The following DLG2 variants were observed in gnomAD, a reference collection of about 807,000 sequenced individuals.
DLG2 encodes the protein disks large homolog 2.
A neutral mutation model predicts 132.5 loss-of-function variants in DLG2; 45 were observed. That is an observed-to-expected ratio of 0.34 (90% confidence interval 0.27 to 0.44). The LOEUF is 0.44. Ranked by LOEUF, DLG2 falls within the 20% of genes least tolerant of loss-of-function variation. The pLI, the probability that DLG2 is intolerant of heterozygous loss-of-function variation, is 1.00. For missense variants in DLG2, 1,045 were observed against 1,196.9 expected (o/e 0.87, Z 1.87); for synonymous variants, 424 against 419.6 (o/e 1.01, Z -0.13).
intron 19 of DLG2, among the ~76,000 whole-genome samples, chr11:83,542,474 C>G (rs545064373): frequency 2.0e-5 from 3 of 152,106 alleles, no homozygotes; most frequent in African/African-American, 7.2e-5. Context: ...AAAATCTATG[C>G]GTATGTGTGT....
At chr11:83,530,890 C>T (rs2095724279) in intron 21 of DLG2, among the ~76,000 whole-genome samples, 1 of 151,792 alleles carries the variant, frequency 6.6e-6, no homozygotes, top group Admixed American at 6.6e-5. Context: ...TAAGATTGGT[C>T]TATAAATAAT....
At chr11:85,217,268 T>C (rs1358280264) in intron 4 of DLG2, among the ~76,000 whole-genome samples, 1 of 151,130 alleles carries the variant, frequency 6.6e-6, no homozygotes, top group Non-Finnish European at 1.5e-5. Context: ...GTCACACTTT[T>C]AAAATGGATA....
At chr11:84,137,616 A>G (rs2094654706) in intron 9 of DLG2, among the ~76,000 whole-genome samples, 1 of 152,188 alleles carries the variant, frequency 6.6e-6, no homozygotes, top group East Asian at 1.9e-4. Flanking sequence ...GTCTCTGAAA[A>G]GACCTGCTCT....
chr11:85,108,303 A>G (rs1000160819), intron 6 of DLG2, among the ~76,000 whole-genome samples: 2 of 152,086 alleles, frequency 1.3e-5, no homozygotes, highest in African/African-American at 4.8e-5. Flanking sequence ...GAATAAACTG[A>G]ATTTGAAAAA....
At chr11:84,694,955 A>G (rs752649701) in intron 6 of DLG2, among the ~76,000 whole-genome samples, 153 of 151,714 alleles carry the variant, frequency 1.0e-3, no homozygotes, top group Admixed American at 2.0e-3. Context: ...TTAACATGTA[A>G]AAAGTGGCTA....
chr11:84,714,617 TTC>T (rs1197538413), intron 6 of DLG2, among the ~76,000 whole-genome samples: 1 of 96,638 alleles, frequency 1.0e-5, no homozygotes, highest in East Asian at 3.0e-4. Context: ...CTCTTTCTCT[TTC>T]TCTTTCTCTC....
At chr11:84,591,286 T>G in intron 6 of DLG2, among the ~76,000 whole-genome samples, 1 of 147,662 alleles carries the variant, frequency 6.8e-6, no homozygotes, top group African/African-American at 2.5e-5. Flanking sequence ...ATAATATTGA[T>G]CAGGGAAAAT....
At chr11:83,720,372 A>G (rs994530190) in intron 18 of DLG2, among the ~76,000 whole-genome samples, 1 of 150,072 alleles carries the variant, frequency 6.7e-6, no homozygotes, top group African/African-American at 2.4e-5. Context: ...GAGAAGCTAA[A>G]ACCATTTCTG....
At chr11:84,611,024 TACACACACACACACACAC>T (rs10587472) in intron 6 of DLG2, among the ~76,000 whole-genome samples, 2 of 138,116 alleles carry the variant, frequency 1.4e-5, no homozygotes, top group African/African-American at 5.4e-5. Flanking sequence ...TTAGATGACA[TACACACACACACACACAC>T]ACACACACAC....
intron 8 of DLG2, among the ~76,000 whole-genome samples, chr11:84,237,608 G>A (rs374778170): frequency 8.5e-5 from 13 of 152,276 alleles, no homozygotes; most frequent in African/African-American, 2.6e-4. Context: ...TGTTCATGAA[G>A]AGGAAACTAT....
chr11:84,526,648 G>C (rs2099321410), intron 7 of DLG2, among the ~76,000 whole-genome samples: 1 of 151,868 alleles, frequency 6.6e-6, no homozygotes, highest in Non-Finnish European at 1.5e-5. Context: ...TAGTTATTGT[G>C]GTTAATCCCT....
chr11:84,555,065 C>T (rs956661845), intron 6 of DLG2, among the ~76,000 whole-genome samples: 15 of 152,048 alleles, frequency 9.9e-5, no homozygotes, highest in African/African-American at 2.7e-4. Context: ...AGATTACATA[C>T]GGCCTTGTTA....
chr11:83,639,865 G>C (rs529123212), intron 18 of DLG2, among the ~76,000 whole-genome samples: 2 of 152,004 alleles, frequency 1.3e-5, no homozygotes, highest in East Asian at 3.9e-4. Flanking sequence ...GTGGGGCCTT[G>C]GGAAGTTACT....
chr11:84,882,556 T>C (rs1233277070), intron 6 of DLG2, among the ~76,000 whole-genome samples: 1 of 151,958 alleles, frequency 6.6e-6, no homozygotes, highest in Non-Finnish European at 1.5e-5. Flanking sequence ...AGAGCGCCCC[T>C]GAGTCATGGA....
At chr11:85,343,258 C>G (rs897385762) in intron 3 of DLG2, among the ~76,000 whole-genome samples, 1 of 152,144 alleles carries the variant, frequency 6.6e-6, no homozygotes, top group East Asian at 1.9e-4. Context: ...CAGGAGACAG[C>G]CTTGCTGAAG....
chr11:84,134,734 ACCT>A (rs1479250008), intron 9 of DLG2, among the ~76,000 whole-genome samples: 5 of 150,664 alleles, frequency 3.3e-5, no homozygotes, highest in African/African-American at 1.2e-4. Context: ...CTATGTGTGT[ACCT>A]CAACTAATTT....
chr11:85,428,740 A>G (rs1237109812), intron 3 of DLG2, among the ~76,000 whole-genome samples: 1 of 152,232 alleles, frequency 6.6e-6, no homozygotes, highest in African/African-American at 2.4e-5. Context: ...GAGCAAACAC[A>G]TTTGAAAGCT....
At chr11:84,865,945 T>A (rs1038668565) in intron 6 of DLG2, among the ~76,000 whole-genome samples, 1 of 152,214 alleles carries the variant, frequency 6.6e-6, no homozygotes. Context: ...AGGAGCAACC[T>A]TAGAATCTGC....
chr11:83,748,037 G>T (rs1444259146), intron 18 of DLG2, among the ~76,000 whole-genome samples: 3 of 152,202 alleles, frequency 2.0e-5, no homozygotes, highest in Admixed American at 2.0e-4. Flanking sequence ...AAGTGGTACA[G>T]TTGGGATTTA....
Sources: allele counts gnomAD v4.1 joint callset (sites outside exome capture counted in the v4.1 genomes callset), GRCh38; gene constraint gnomAD v4.1.1; transcripts MANE v1.5; gene names NCBI Gene and HGNC (gene_info 2026-07-23, HGNC 2026-07-21).